Variants in EVA1C observed in about 807,000 individuals in gnomAD.
EVA1C encodes protein eva-1 homolog C.
Under a neutral mutation model 45.4 loss-of-function variants are expected in EVA1C, and 25 were observed. The observed-to-expected ratio is 0.55, with a 90% CI of 0.40 to 0.77. The LOEUF (loss-of-function observed/expected upper bound fraction) is 0.77. Among genes scored for constraint, EVA1C ranks in the 30% least tolerant of loss-of-function variants. The pLI, the probability that EVA1C is intolerant of heterozygous loss-of-function variation, is 0.00. For synonymous variants in EVA1C, 190 were observed against 221.2 expected, an observed-to-expected ratio of 0.86 and a Z score of 1.25; for missense variants, 479 against 554.8, an observed-to-expected ratio of 0.86 and a Z score of 1.37.
chr21:32,450,118 G>A (rs1448249205), intron 1 of EVA1C, among the ~76,000 whole-genome samples: 1 of 152,234 alleles, frequency 6.6e-6, no homozygotes, highest in Non-Finnish European at 1.5e-5. Context: ...AATATGGTAA[G>A]GCCAGTTGGA....
intron 6 of EVA1C, among the ~76,000 whole-genome samples, chr21:32,501,902 C>G (rs1244060608): frequency 1.3e-5 from 2 of 152,032 alleles, no homozygotes; most frequent in Non-Finnish European, 2.9e-5. Context: ...GTACACACCA[C>G]CTTCCTCTTT....
At chr21:32,457,389 T>G (rs983330745) in intron 2 of EVA1C, among the ~76,000 whole-genome samples, 1 of 152,194 alleles carries the variant, frequency 6.6e-6, no homozygotes, top group African/African-American at 2.4e-5. Context: ...AGCCTGGCAC[T>G]ATTGGATCAG....
chr21:32,514,211 G>A (rs1242746788), intron 7 of EVA1C, among the ~76,000 whole-genome samples: 1 of 152,128 alleles, frequency 6.6e-6, no homozygotes, highest in Non-Finnish European at 1.5e-5. Context: ...ACCAAGGGAT[G>A]ACTGTATATT....
chr21:32,492,699 GTTTTC>G (rs1478093985), intron 4 of EVA1C, among the ~76,000 whole-genome samples: 3 of 105,614 alleles, frequency 2.8e-5, no homozygotes, highest in Non-Finnish European at 3.9e-5. Context: ...ATGCAGGACA[GTTTTC>G]TTTTGTTTTT....
At chr21:32,479,107 T>C (rs1312662341) in intron 4 of EVA1C, among the ~76,000 whole-genome samples, 1 of 152,030 alleles carries the variant, frequency 6.6e-6, no homozygotes, top group Admixed American at 6.6e-5. Flanking sequence ...GTATTGGGGG[T>C]GGAGGGCAGT....
intron 1 of EVA1C, chr21:32,428,320 A>G (rs2034569032): frequency 6.6e-6 from 1 of 152,206 alleles, no homozygotes; most frequent in Admixed American, 6.5e-5. Flanking sequence ...CTTTTTACAA[A>G]CAGGAAGCTT....
At position 32,447,644 on chromosome 21, in the gene EVA1C, G is replaced by A. The variant is rs546093988; in HGVS notation, c.161-5668G>A. On this transcript the variant is annotated intron_variant, in intron 1 of 7. Coordinates refer to ENST00000300255, the MANE Select transcript of EVA1C (RefSeq NM_058187.5). Reference sequence around the variant, plus strand: ...AGGCCTGTGGACATCTTTGGGGGCCGTTATTCTGCCTACCACATGGACCAT... The same window carrying A: ...AGGCCTGTGGACATCTTTGGGGGCCATTATTCTGCCTACCACATGGACCAT... Among the ~76,000 whole-genome samples, 54 of 152,116 alleles carry A rather than the reference G, an allele frequency of 3.5e-4. 1 individual carries two copies. The highest frequency in any genetic ancestry group is 1.1e-3 in the African/African-American group (47 of 41,508).
At chr21:32,510,997 G>C (rs2146473472) in intron 7 of EVA1C, among the ~76,000 whole-genome samples, 1 of 152,230 alleles carries the variant, frequency 6.6e-6, no homozygotes, top group East Asian at 1.9e-4. Flanking sequence ...CTATGATTGT[G>C]CCACTGCACT....
intron 3 of EVA1C, 152 bp downstream of exon 3, chr21:32,457,872 C>T (rs1179280087): frequency 2.4e-6 from 2 of 826,296 alleles, no homozygotes; most frequent in East Asian, 5.4e-5. Flanking sequence ...TTTTTAGAGA[C>T]AGAGAGAGAA....
At chr21:32,465,780 G>T (rs2036150993) in intron 3 of EVA1C, among the ~76,000 whole-genome samples, 1 of 152,074 alleles carries the variant, frequency 6.6e-6, no homozygotes, top group African/African-American at 2.4e-5. Flanking sequence ...TTACAGGTGT[G>T]AGCCACCACA....
At chr21:32,476,031 G>A (rs1034798332) in intron 4 of EVA1C, among the ~76,000 whole-genome samples, 3 of 151,946 alleles carry the variant, frequency 2.0e-5, no homozygotes, top group African/African-American at 4.8e-5. Context: ...ATAGTCCTTC[G>A]ATGTGGTTTT....
At chr21:32,486,411 C>T (rs1199932149) in intron 4 of EVA1C, among the ~76,000 whole-genome samples, 2 of 152,206 alleles carry the variant, frequency 1.3e-5, no homozygotes, top group Non-Finnish European at 2.9e-5. Flanking sequence ...AGGCGTGAGC[C>T]ACCGCACCCG....
chr21:32,451,727 T>C (rs2035587216), intron 1 of EVA1C, among the ~76,000 whole-genome samples: 1 of 152,230 alleles, frequency 6.6e-6, no homozygotes, highest in South Asian at 2.1e-4. Flanking sequence ...ACGCTCGGCA[T>C]TCCTTGGCTT....
intron 6 of EVA1C, among the ~76,000 whole-genome samples, chr21:32,503,504 G>T (rs1450283369): frequency 6.9e-6 from 1 of 145,188 alleles, no homozygotes; most frequent in African/African-American, 2.6e-5. Flanking sequence ...CCAAGATTGT[G>T]CCATTGCACT....
intron 1 of EVA1C, among the ~76,000 whole-genome samples, chr21:32,434,739 G>A (rs1286406803): frequency 6.6e-6 from 1 of 152,270 alleles, no homozygotes; most frequent in African/African-American, 2.4e-5. Flanking sequence ...ACAAGCTAAG[G>A]AGCTGGAGGA....
chr21:32,439,101 G>A (rs1317282806), intron 1 of EVA1C, among the ~76,000 whole-genome samples: 7 of 151,418 alleles, frequency 4.6e-5, no homozygotes, highest in Admixed American at 1.3e-4. Context: ...TTAGCCAGGC[G>A]TGGTGGCCCA....
chr21:32,453,591 A>G (rs1367403367), intron 2 of EVA1C, 83 bp downstream of exon 2: 1 of 1,074,188 alleles, frequency 9.3e-7, no homozygotes, highest in East Asian at 2.6e-5. Flanking sequence ...TATATTTGTG[A>G]TTATATAGTT....
At chr21:32,509,169 A>G (rs1445350610) in intron 7 of EVA1C, among the ~76,000 whole-genome samples, 1 of 152,222 alleles carries the variant, frequency 6.6e-6, no homozygotes, top group Non-Finnish European at 1.5e-5. Flanking sequence ...CTTGGCTACA[A>G]CAAGAGGGGT....
chr21:32,473,713 T>C (rs969214291), intron 4 of EVA1C, among the ~76,000 whole-genome samples: 4 of 152,230 alleles, frequency 2.6e-5, no homozygotes, highest in Admixed American at 1.3e-4. Flanking sequence ...AAAAAAATTG[T>C]TGGAGACAGG....
Sources: gnomAD v4.1 joint callset for allele counts (sites outside exome capture counted in the v4.1 genomes callset) on GRCh38, gnomAD v4.1.1 for gene constraint, MANE v1.5 for transcripts, NCBI Gene and HGNC (gene_info 2026-07-23, HGNC 2026-07-21) for gene names.